The following TENM3 variants were observed in gnomAD, a reference collection of about 807,000 sequenced individuals.
TENM3 encodes the protein teneurin-3.
Under a neutral mutation model 255.1 loss-of-function variants are expected in TENM3, and 63 were observed. That is an observed-to-expected ratio of 0.25 (90% CI 0.20 to 0.30). The LOEUF (loss-of-function observed/expected upper bound fraction) is 0.30. Among genes scored for constraint, TENM3 ranks in the 10% least tolerant of loss-of-function variants. The pLI is 1.00. For synonymous variants in TENM3, 1,306 were observed against 1,322.3 expected, an observed-to-expected ratio of 0.99 and a Z score of 0.27; for missense variants, 2,929 against 3,461.1, an observed-to-expected ratio of 0.85 and a Z score of 3.86.
At chr4:182,779,164 G>A (rs896453635) in intron 24 of TENM3, among the ~76,000 whole-genome samples, 7 of 149,746 alleles carry the variant, frequency 4.7e-5, no homozygotes, top group African/African-American at 7.4e-5. Flanking sequence ...CCACTAACTC[G>A]TCATCTAGCA....
the TENM3 span, among the ~76,000 whole-genome samples, chr4:181,935,617 C>A: frequency 6.6e-6 from 1 of 152,228 alleles, no homozygotes; most frequent in East Asian, 1.9e-4. Flanking sequence ...AAGAGGTGAC[C>A]TCTCTCTATT....
At chr4:182,584,891 C>G (rs2152371207) in intron 3 of TENM3, among the ~76,000 whole-genome samples, 1 of 152,242 alleles carries the variant, frequency 6.6e-6, no homozygotes, top group Non-Finnish European at 1.5e-5. Context: ...ATCCACCCAC[C>G]TCGGCCTCCC....
intron 1 of TENM3, among the ~76,000 whole-genome samples, chr4:182,165,250 T>C (rs545384963): frequency 1.6e-4 from 24 of 152,320 alleles, no homozygotes; most frequent in African/African-American, 5.3e-4. Flanking sequence ...TCAATACTTA[T>C]TTCATTATTT....
chr4:181,453,299 G>C, the TENM3 span, among the ~76,000 whole-genome samples: 2 of 152,150 alleles, frequency 1.3e-5, no homozygotes, highest in Non-Finnish European at 2.9e-5. Context: ...GAATAAGTGA[G>C]CAAACAAGCT....
intron 1 of TENM3, among the ~76,000 whole-genome samples, chr4:182,205,203 G>A (rs1754470926): frequency 6.6e-6 from 1 of 152,188 alleles, no homozygotes; most frequent in Non-Finnish European, 1.5e-5. Flanking sequence ...TCCACCCCGT[G>A]TCTATCACAC....
chr4:181,650,772 C>T, the TENM3 span, among the ~76,000 whole-genome samples: 3 of 152,182 alleles, frequency 2.0e-5, no homozygotes, highest in African/African-American at 7.2e-5. Flanking sequence ...AAAATACCAG[C>T]ACATTTAATG....
the TENM3 span, among the ~76,000 whole-genome samples, chr4:181,811,600 T>TG: frequency 6.6e-6 from 1 of 152,230 alleles, no homozygotes; most frequent in South Asian, 2.1e-4. Flanking sequence ...TCCACATGGC[T>TG]GGGGAGGCCT....
At chr4:181,467,125 A>ATTTTTTTTT in the TENM3 span, among the ~76,000 whole-genome samples, 21 of 17,586 alleles carry the variant, frequency 1.2e-3, no homozygotes, top group African/African-American at 2.2e-3. Context: ...ATATATATAT[A>ATTTTTTTTT]TTTTTTTTTT....
the TENM3 span, among the ~76,000 whole-genome samples, chr4:181,626,376 G>C: frequency 6.6e-6 from 1 of 152,170 alleles, no homozygotes; most frequent in African/African-American, 2.4e-5. Context: ...AGGGATACCT[G>C]AGACTAATTT....
At chr4:182,679,925 C>G in intron 8 of TENM3, 49 bp downstream of exon 8, 1 of 1,482,502 alleles carries the variant, frequency 6.7e-7, no homozygotes, top group Non-Finnish European at 9.2e-7. Context: ...GCCTAAACGC[C>G]GTGTTTAATA....
At chr4:182,013,569 C>T in the TENM3 span, among the ~76,000 whole-genome samples, 1 of 152,114 alleles carries the variant, frequency 6.6e-6, no homozygotes, top group African/African-American at 2.4e-5. Flanking sequence ...TCCCTTTCTC[C>T]TCTGATGGTA....
chr4:181,703,994 T>C, the TENM3 span, among the ~76,000 whole-genome samples: 217 of 152,272 alleles, frequency 1.4e-3, 1 homozygote, highest in African/African-American at 4.8e-3. Flanking sequence ...GAATGACACA[T>C]AGACAGCATT....
At chr4:182,641,294 C>T (rs1038894587) in intron 5 of TENM3, among the ~76,000 whole-genome samples, 3 of 152,112 alleles carry the variant, frequency 2.0e-5, no homozygotes, top group Non-Finnish European at 2.9e-5. Context: ...AGCTGTTTTT[C>T]GGATTTTGCC....
At chr4:181,962,654 C>G in the TENM3 span, among the ~76,000 whole-genome samples, 8 of 152,242 alleles carry the variant, frequency 5.3e-5, no homozygotes, top group South Asian at 1.5e-3. Flanking sequence ...TGATGATCAC[C>G]TTTTTAAAAA....
In TENM3 at chr4:182,600,897, CTTTTTTTTTTTTT is replaced by C. The variant is rs548783934; in HGVS notation, c.512-16_512-4del. The C allele has an allele frequency of 6.1e-6, 3 of 492,982 alleles. No homozygotes were observed. The highest frequency in any genetic ancestry group is 4.7e-5 in the South Asian group (2 of 42,260). 30.5% of individuals were successfully genotyped at this position (492,982 alleles called of 1,614,324 possible). A position where few individuals can be genotyped will look rare whatever the true frequency, so the allele number is the denominator to read the frequency against. ...TATATATATATAATGAGTTCTCTTT[CTTTTTTTTTTTTT>C]TTTTTTTTTTCAGAGCAACCTGCAA... On this transcript the variant is annotated splice_polypyrimidine_tract_variant and intron_variant, in intron 3 of 27. Transcript: ENST00000511685.
chr4:182,321,225 G>A (rs959124153), intron 1 of TENM3, among the ~76,000 whole-genome samples: 2 of 152,136 alleles, frequency 1.3e-5, no homozygotes, highest in East Asian at 1.9e-4. Flanking sequence ...CTGTTTCCCT[G>A]ACTAAATGTA....
chr4:181,750,226 G>C, the TENM3 span, among the ~76,000 whole-genome samples: 14 of 152,256 alleles, frequency 9.2e-5, no homozygotes, highest in East Asian at 2.5e-3. Flanking sequence ...TCATGGTTGG[G>C]GGGTAGAAGA....
At chr4:182,224,090 A>T (rs746139924) in intron 1 of TENM3, among the ~76,000 whole-genome samples, 3 of 152,208 alleles carry the variant, frequency 2.0e-5, no homozygotes, top group Admixed American at 2.0e-4. Context: ...CATAAATCAA[A>T]CTGCTTTCTA....
At chr4:182,434,980 G>A (rs574453288) in intron 3 of TENM3, among the ~76,000 whole-genome samples, 4 of 152,296 alleles carry the variant, frequency 2.6e-5, no homozygotes, top group South Asian at 4.1e-4. Context: ...GCATTTCCAC[G>A]GGAATTGCCA....
Sources: allele counts gnomAD v4.1 joint callset (sites outside exome capture counted in the v4.1 genomes callset), GRCh38; gene constraint gnomAD v4.1.1; transcripts MANE v1.5; gene names NCBI Gene and HGNC (gene_info 2026-07-23, HGNC 2026-07-21).